Variants in WDR20 observed in about 807,000 individuals in gnomAD.
The protein encoded by WDR20 is WD repeat-containing protein 20.
WDR20 carries 3 observed loss-of-function variants against 38.7 expected under a neutral mutation model. The ratio of observed to expected loss-of-function variants is 0.08; its 90% CI spans 0.04 to 0.20. WDR20 has a LOEUF of 0.20. WDR20 is among the 10% of genes least tolerant of loss of function. WDR20 has a pLI of 1.00. For missense variants in WDR20, 559 were observed against 727.7 expected, an observed-to-expected ratio of 0.77 and a Z score of 2.67; for synonymous variants, 298 against 285.6, an observed-to-expected ratio of 1.04 and a Z score of -0.44.
rs1031184772 is a variant in WDR20, at chr14:102,220,766, T to A, written c.1693-2064T>A. On this transcript the variant is annotated intron_variant, in intron 3 of 3. Transcript: ENST00000335263. The surrounding 1 kb of genome is among the most constrained non-coding windows in gnomAD (Gnocchi z 4.2). ...AATATTAAAATTAATGTCACTTGTT[T>A]TTATTATCTATCTTTTCATTTTTTG... 2.6e-5 allele frequency among the ~76,000 whole-genome samples: 4 copies of A among 152,114 alleles called. No individual in the cohort carries two copies. Among genetic ancestry groups the A allele is most frequent in the African/African-American group, 9.7e-5 (4 of 41,434 alleles).
intron 1 of WDR20, among the ~76,000 whole-genome samples, chr14:102,192,568 G>A (rs529702330): frequency 2.0e-5 from 3 of 152,198 alleles, no homozygotes; most frequent in African/African-American, 7.2e-5. Flanking sequence ...TGGGAGGCAG[G>A]GATGTAAAAA....
At chr14:102,211,147 G>A (rs1282782758), downstream of WDR20, among the ~76,000 whole-genome samples, 2 of 152,252 alleles carry the variant, frequency 1.3e-5, no homozygotes, top group Non-Finnish European at 2.9e-5. The surrounding 1 kb of genome is among the most constrained non-coding windows in gnomAD (Gnocchi z 4.2). Flanking sequence ...CAGTGGGTGA[G>A]ATGGCCCCTT....
downstream of WDR20, among the ~76,000 whole-genome samples, chr14:102,218,630 C>A (rs562663471): frequency 6.6e-6 from 1 of 152,148 alleles, no homozygotes; most frequent in South Asian, 2.1e-4. Flanking sequence ...AAACCCAAAC[C>A]AAGAGCTGGA....
chr14:102,194,517 T>C (rs1205023806), intron 1 of WDR20, among the ~76,000 whole-genome samples: 1 of 152,244 alleles, frequency 6.6e-6, no homozygotes, highest in Non-Finnish European at 1.5e-5. Flanking sequence ...TGAGAACCAC[T>C]GGGCTGCAGG....
At chr14:102,205,591 T>G (rs1249480666) in intron 2 of WDR20, among the ~76,000 whole-genome samples, 1 of 152,090 alleles carries the variant, frequency 6.6e-6, no homozygotes, top group Non-Finnish European at 1.5e-5. Context: ...GCACCCACAG[T>G]AGACACTCTG....
chr14:102,224,128 G>A (rs575733030), downstream of WDR20, among the ~76,000 whole-genome samples: 4 of 144,306 alleles, frequency 2.8e-5, no homozygotes, highest in East Asian at 2.1e-4. Context: ...TGCAAGCTCC[G>A]CCTCCCGGGT....
At chr14:102,186,546 C>A (rs1181860202) in intron 1 of WDR20, among the ~76,000 whole-genome samples, 2 of 152,036 alleles carry the variant, frequency 1.3e-5, no homozygotes, top group African/African-American at 2.4e-5. Flanking sequence ...CCACAACACC[C>A]CCCTCCGGTT....
At chr14:102,168,623 A>C (rs1426157473) in intron 1 of WDR20, among the ~76,000 whole-genome samples, 2 of 152,048 alleles carry the variant, frequency 1.3e-5, no homozygotes, top group Non-Finnish European at 1.5e-5. Context: ...CCTGTTTTAG[A>C]GTAGTTGAAC....
intron 1 of WDR20, chr14:102,193,552 A>G: frequency 6.2e-7 from 1 of 1,602,296 alleles, no homozygotes; most frequent in Non-Finnish European, 8.5e-7. Flanking sequence ...ATGCACCCTC[A>G]TTCCTTTGCC....
At chr14:102,168,853 C>A (rs1006005844) in intron 1 of WDR20, among the ~76,000 whole-genome samples, 3 of 152,176 alleles carry the variant, frequency 2.0e-5, no homozygotes, top group Non-Finnish European at 4.4e-5. Context: ...GCGTCTCTCA[C>A]TTGGATTATT....
downstream of WDR20, among the ~76,000 whole-genome samples, chr14:102,212,257 T>TC (rs1400105862): frequency 6.6e-6 from 1 of 152,242 alleles, no homozygotes; most frequent in Non-Finnish European, 1.5e-5. Flanking sequence ...ATCTTTTTCT[T>TC]CCAGTTTTTG....
intron 1 of WDR20, among the ~76,000 whole-genome samples, chr14:102,152,760 C>G (rs560550880): frequency 6.6e-6 from 1 of 152,114 alleles, no homozygotes; most frequent in Non-Finnish European, 1.5e-5. Context: ...AAAGTAGACA[C>G]TATTAGTATC....
intron 1 of WDR20, among the ~76,000 whole-genome samples, chr14:102,161,887 A>G (rs2058826295): frequency 1.3e-5 from 2 of 152,216 alleles, no homozygotes; most frequent in Admixed American, 1.3e-4. Flanking sequence ...CTTATTTTAT[A>G]GAAGCCTTTA....
chr14:102,191,821 T>C (rs968299952), intron 1 of WDR20, among the ~76,000 whole-genome samples: 1 of 152,184 alleles, frequency 6.6e-6, no homozygotes. Flanking sequence ...AGGTCTACTT[T>C]TGTGTCTTCT....
intron 1 of WDR20, among the ~76,000 whole-genome samples, chr14:102,163,519 C>A (rs868058002): frequency 2.0e-5 from 3 of 148,032 alleles, no homozygotes; most frequent in Admixed American, 1.4e-4. Context: ...TCCCGGCTAC[C>A]CAGGAGGCTG....
chr14:102,186,449 A>G (rs976631771), intron 1 of WDR20, among the ~76,000 whole-genome samples: 4 of 152,114 alleles, frequency 2.6e-5, no homozygotes, highest in Non-Finnish European at 4.4e-5. Context: ...TGTTGAAGAA[A>G]ATTTTGGTTA....
chr14:102,220,719 CAAAAAA>C lies in WDR20; in HGVS notation c.1693-2098_1693-2093del, dbSNP rs35097607. Among the ~76,000 whole-genome samples the C allele has an allele frequency of 2.0e-4, 22 of 111,712 alleles. No homozygotes were observed. The highest frequency in any genetic ancestry group is 6.3e-4 in the African/African-American group (20 of 31,548). 73.3% of individuals were successfully genotyped at this position (111,712 alleles called of 152,430 possible). On this transcript the variant is annotated intron_variant, in intron 3 of 3. Coordinates refer to the WDR20 transcript ENST00000335263. The surrounding 1 kb of genome is among the most constrained non-coding windows in gnomAD (Gnocchi z 4.2). ...TGGACAACAAAGTGAGACTCCGTCT[CAAAAAA>C]AAAAAAAAAAAAGAAAATATTAAAA...
In WDR20 at chr14:102,165,727, C is replaced by G. The variant is rs146802664; in HGVS notation, c.249+25555C>G. ...TCACAACTGTCTGCAGCCTTGACCT[C>G]CCAGGCTCAGGTGATCCTCCCACCT... On this transcript the variant is annotated intron_variant, in intron 1 of 2. Transcript: ENST00000342702. Among the ~76,000 whole-genome samples, 970 of 150,730 alleles carry G rather than the reference C, an allele frequency of 6.4e-3. 10 individuals carry two copies. The highest frequency in any genetic ancestry group is 0.023 in the African/African-American group (925 of 41,012).
chr14:102,197,172 G>A (rs2059552969), intron 2 of WDR20, among the ~76,000 whole-genome samples: 1 of 152,190 alleles, frequency 6.6e-6, no homozygotes, highest in South Asian at 2.1e-4. Context: ...GAGCACATAA[G>A]TGAATTGTCC....
Sources: allele counts gnomAD v4.1 joint callset (sites outside exome capture counted in the v4.1 genomes callset), GRCh38; gene constraint gnomAD v4.1.1; non-coding constraint Gnocchi (gnomAD v3.1); transcripts MANE v1.5; gene names NCBI Gene and HGNC (gene_info 2026-07-23, HGNC 2026-07-21).